The following ZNF804A variants were observed in gnomAD, a reference collection of about 807,000 sequenced individuals.
ZNF804A encodes the protein zinc finger protein 804A.
ZNF804A carries 2 observed loss-of-function variants against 16.5 expected under a neutral mutation model. The observed-to-expected ratio is 0.12, with a 90% confidence interval of 0.05 to 0.38. The LOEUF (loss-of-function observed/expected upper bound fraction) is 0.38. Ranked by LOEUF, ZNF804A falls within the 10% of genes least tolerant of loss-of-function variation. The pLI is 0.99. For synonymous variants in ZNF804A, 534 were observed against 489.6 expected (o/e 1.09, Z -1.20); for missense variants, 1,473 against 1,390.7 (o/e 1.06, Z -0.94).
chr2:184,817,753 C>T (rs1213599232), intron 1 of ZNF804A, among the ~76,000 whole-genome samples: 1 of 151,904 alleles, frequency 6.6e-6, no homozygotes, highest in African/African-American at 2.4e-5. Flanking sequence ...AAGAAATTCA[C>T]AATACAGTCA....
chr2:184,892,669 A>G (rs759225424), intron 2 of ZNF804A, among the ~76,000 whole-genome samples: 3 of 151,940 alleles, frequency 2.0e-5, no homozygotes, highest in Non-Finnish European at 4.4e-5. Context: ...TTTTTACAAT[A>G]TACAGGGTTT....
intron 1 of ZNF804A, among the ~76,000 whole-genome samples, chr2:184,685,789 CA>C (rs1439736542): frequency 6.6e-6 from 1 of 152,176 alleles, no homozygotes; most frequent in Non-Finnish European, 1.5e-5. Flanking sequence ...GGCTTCAGTT[CA>C]TTCATGGCTT....
At chr2:184,793,078 C>T (rs2105779451) in intron 1 of ZNF804A, among the ~76,000 whole-genome samples, 1 of 152,256 alleles carries the variant, frequency 6.6e-6, no homozygotes, top group South Asian at 2.1e-4. Context: ...CCAGCTCCAT[C>T]CATCGTGCTG....
chr2:184,741,313 C>G (rs961625743), intron 1 of ZNF804A, among the ~76,000 whole-genome samples: 2 of 152,158 alleles, frequency 1.3e-5, no homozygotes, highest in African/African-American at 4.8e-5. Flanking sequence ...TCATTCAGTA[C>G]AAGTTGCAGA....
Position 184,936,828 on chromosome 2 carries a change from C to T in ZNF804A, c.1432C>T (p.Pro478Ser), listed in dbSNP as rs1470056484. ...KVNNNLDKNK[P>S]DLKDLCSQQK... ...AAATAATAATCTAGATAAAAATAAG[C>T]CAGACTTAAAAGATCTTTGTTCTCA... Residue 478 changes from proline to serine, a missense_variant, in exon 4 of 4, where the codon CCA (proline) becomes TCA (serine). By Grantham distance (74) the Pro-to-Ser change is moderately conservative. Coordinates refer to ENST00000302277, the MANE Select transcript of ZNF804A (RefSeq NM_194250.2). 1.2e-6 allele frequency: 2 copies of T among 1,612,758 alleles called. No individual in the cohort carries two copies. The highest frequency in any genetic ancestry group is 8.5e-7 in the Non-Finnish European group (1 of 1,179,592).
At chr2:184,769,153 G>C (rs1256391320) in intron 1 of ZNF804A, among the ~76,000 whole-genome samples, 4 of 151,952 alleles carry the variant, frequency 2.6e-5, no homozygotes, top group Non-Finnish European at 5.9e-5. Flanking sequence ...CCTTCTGATT[G>C]CTAAGTGCCT....
At chr2:184,714,391 T>G (rs538358399) in intron 1 of ZNF804A, among the ~76,000 whole-genome samples, 1 of 152,256 alleles carries the variant, frequency 6.6e-6, no homozygotes, top group African/African-American at 2.4e-5. Context: ...ACTACTCATA[T>G]GTCTACAGCT....
At chr2:184,886,837 T>G (rs1343250179) in intron 2 of ZNF804A, among the ~76,000 whole-genome samples, 1 of 152,140 alleles carries the variant, frequency 6.6e-6, no homozygotes, top group Non-Finnish European at 1.5e-5. Flanking sequence ...ACAAAACCAC[T>G]TTTTCCTCCT....
intron 1 of ZNF804A, among the ~76,000 whole-genome samples, chr2:184,688,880 C>G (rs1342683793): frequency 1.3e-5 from 2 of 152,112 alleles, no homozygotes; most frequent in Non-Finnish European, 2.9e-5. Context: ...GAATTATAGA[C>G]TGCAGTGTAT....
At chr2:184,806,866 TA>T (rs1320628614) in intron 1 of ZNF804A, among the ~76,000 whole-genome samples, 1 of 151,786 alleles carries the variant, frequency 6.6e-6, no homozygotes, top group Non-Finnish European at 1.5e-5. Context: ...TATTAGTGAC[TA>T]AAAAGATAAA....
chr2:184,900,559 C>T (rs1685163926), intron 2 of ZNF804A, among the ~76,000 whole-genome samples: 1 of 151,984 alleles, frequency 6.6e-6, no homozygotes. Context: ...CGAACAATTG[C>T]TTGCTATTTT....
intron 1 of ZNF804A, among the ~76,000 whole-genome samples, chr2:184,682,997 T>C (rs1243534289): frequency 6.6e-6 from 1 of 152,016 alleles, no homozygotes; most frequent in African/African-American, 2.4e-5. Flanking sequence ...TGAAACCCTC[T>C]CTCAAAAAAT....
intron 2 of ZNF804A, among the ~76,000 whole-genome samples, chr2:184,929,218 A>G (rs550618385): frequency 7.2e-5 from 11 of 152,304 alleles, no homozygotes; most frequent in Non-Finnish European, 5.9e-5. Flanking sequence ...TAACAACAGT[A>G]TTGGCATTTA....
chr2:184,725,536 A>C (rs1007898208), intron 1 of ZNF804A, among the ~76,000 whole-genome samples: 1 of 151,640 alleles, frequency 6.6e-6, no homozygotes, highest in Non-Finnish European at 1.5e-5. Context: ...ATATTTATAG[A>C]CTCACAGAAA....
At chr2:184,810,628 C>T (rs1054609573) in intron 1 of ZNF804A, among the ~76,000 whole-genome samples, 1 of 151,492 alleles carries the variant, frequency 6.6e-6, no homozygotes, top group Non-Finnish European at 1.5e-5. Context: ...GTAGCTGGGA[C>T]TACCGGCGCC....
chr2:184,877,000 A>C (rs185967531), intron 2 of ZNF804A, among the ~76,000 whole-genome samples: 186 of 152,250 alleles, frequency 1.2e-3, no homozygotes, highest in Middle Eastern at 6.8e-3. Flanking sequence ...TTTACCACTA[A>C]AACTTTTATA....
chr2:184,704,496 G>C (rs1040006818), intron 1 of ZNF804A, among the ~76,000 whole-genome samples: 2 of 152,180 alleles, frequency 1.3e-5, no homozygotes, highest in African/African-American at 4.8e-5. Context: ...CATTGAAAGA[G>C]TGGATCCATA....
chr2:184,773,100 T>C (rs1264716673), intron 1 of ZNF804A, among the ~76,000 whole-genome samples: 1 of 151,130 alleles, frequency 6.6e-6, no homozygotes, highest in African/African-American at 2.4e-5. Context: ...TTAAAATGTA[T>C]TGAGTTATAC....
At chr2:184,610,492 G>A (rs576715734) in intron 1 of ZNF804A, among the ~76,000 whole-genome samples, 2 of 152,174 alleles carry the variant, frequency 1.3e-5, no homozygotes, top group South Asian at 4.1e-4. Context: ...TGGGTTTAAT[G>A]AGAAGTGTGT....
Sources: gnomAD v4.1 joint callset for allele counts (sites outside exome capture counted in the v4.1 genomes callset) on GRCh38, gnomAD v4.1.1 for gene constraint, MANE v1.5 for transcripts, NCBI Gene and HGNC (gene_info 2026-07-23, HGNC 2026-07-21) for gene names.